KMT2C: variants seen among roughly 807,000 people sequenced by gnomAD.
The protein encoded by KMT2C is histone-lysine N-methyltransferase 2C.
In KMT2C, 88 loss-of-function variants were observed where a neutral mutation model predicts 507.9. The observed-to-expected ratio is 0.17, with a 90% CI of 0.15 to 0.21. The LOEUF (loss-of-function observed/expected upper bound fraction) is 0.21. KMT2C is among the 10% of genes least tolerant of loss of function. The pLI is 1.00. For missense variants in KMT2C, 4,954 were observed against 5,957.8 expected (o/e 0.83, Z 5.55); for synonymous variants, 2,049 against 2,080.8 (o/e 0.98, Z 0.42).
In KMT2C at chr7:152,348,440, T is replaced by C. The variant is rs150448286; in HGVS notation, c.250+10147A>G. Among the ~76,000 whole-genome samples the C allele has an allele frequency of 8.0e-5, 12 of 149,796 alleles. No individual in the cohort carries two copies. In the East Asian group the frequency reaches 2.0e-3, roughly 25 times the overall value. ...GGTGAAACCCCGTATCTTCTAAAAA[T>C]ACAAAAAAAGTAGCCAGGCATGGTG... On this transcript the variant is annotated intron_variant, in intron 2 of 58. Coordinates refer to ENST00000262189, the MANE Select transcript of KMT2C (RefSeq NM_170606.3).
At position 152,345,350 on chromosome 7, in the gene KMT2C, G is replaced by A. The variant is rs563685862; in HGVS notation, c.250+13237C>T. 9.9e-5 allele frequency among the ~76,000 whole-genome samples: 15 copies of A among 152,254 alleles called. No individual in the cohort carries two copies. The East Asian group carries it at 1.9e-3, about 20-fold the overall frequency. ...CCAGCTACTTGCGAAGCTGAGGTGC[G>A]AGGATGGCTTGAGCCCAAGAGTTCA... On this transcript the variant is annotated intron_variant, in intron 2 of 58. Coordinates refer to ENST00000262189, the MANE Select transcript of KMT2C (RefSeq NM_170606.3).
chr7:152,276,193 TGAA>T (rs1319887684), intron 6 of KMT2C, among the ~76,000 whole-genome samples: 2 of 152,324 alleles, frequency 1.3e-5, no homozygotes, highest in Non-Finnish European at 2.9e-5. Context: ...AAATAGCTAA[TGAA>T]GAGCACTCGG....
At chr7:152,231,808 G>T (rs1208639591) in intron 16 of KMT2C, among the ~76,000 whole-genome samples, 1 of 147,914 alleles carries the variant, frequency 6.8e-6, no homozygotes, top group African/African-American at 2.5e-5. Flanking sequence ...AAGGAAGTTT[G>T]GTTGGTTAAC....
Position 152,401,387 on chromosome 7 carries a change from T to G in KMT2C, c.161+34239A>C, listed in dbSNP as rs1325516145. On this transcript the variant is annotated intron_variant, in intron 1 of 58. Transcript: ENST00000262189. ...GAGCCACCACGTCCAGCCCATTAAC[T>G]TTCAAGTATTAAAGTCATACCGGCC... Among the ~76,000 whole-genome samples the G allele has an allele frequency of 2.7e-5, 4 of 147,212 alleles. No homozygotes were observed. The South Asian group carries it at 7.4e-4, about 27-fold the overall frequency.
At chr7:152,170,716 T>C (rs1214281045) in intron 40 of KMT2C, among the ~76,000 whole-genome samples, 1 of 152,178 alleles carries the variant, frequency 6.6e-6, no homozygotes, top group Admixed American at 6.5e-5. Context: ...TTGGTCAGGC[T>C]GGTCTCAAAC....
chr7:152,354,655 A>G (rs1410307656), intron 2 of KMT2C, among the ~76,000 whole-genome samples: 1 of 152,190 alleles, frequency 6.6e-6, no homozygotes, highest in South Asian at 2.1e-4. Flanking sequence ...AAGCTGTATG[A>G]ATATCTGAGA....
chr7:152,329,927 T>C (rs1489842868), intron 3 of KMT2C, among the ~76,000 whole-genome samples: 1 of 151,820 alleles, frequency 6.6e-6, no homozygotes, highest in Admixed American at 6.6e-5. Context: ...AGGTGGATCA[T>C]GAGATCAGGA....
At chr7:152,193,962 T>C (rs2129128743) in intron 31 of KMT2C, 47 bp downstream of exon 31, 2 of 1,475,858 alleles carry the variant, frequency 1.4e-6, no homozygotes, top group East Asian at 2.4e-5. Flanking sequence ...CCCACATATA[T>C]ACACATGTGT....
At chr7:152,183,179 A>G in intron 34 of KMT2C, 23 bp from the exon 35 acceptor site, 1 of 1,494,252 alleles carries the variant, frequency 6.7e-7, no homozygotes, top group East Asian at 2.4e-5. Flanking sequence ...AAGAGAAAAA[A>G]ATTTCCCAGA....
chr7:152,360,073 T>TG (rs372111513), intron 1 of KMT2C, among the ~76,000 whole-genome samples: 386 of 14,724 alleles, frequency 0.026, 6 homozygotes, highest in East Asian at 0.16. Context: ...AAAAGGGGGG[T>TG]GGGGGGGGGG....
At chr7:152,389,383 T>TA (rs1260810266) in intron 1 of KMT2C, among the ~76,000 whole-genome samples, 5 of 151,394 alleles carry the variant, frequency 3.3e-5, no homozygotes, top group Non-Finnish European at 1.5e-5. Flanking sequence ...TACTGTCACT[T>TA]ACGTCACTCA....
chr7:152,141,499 G>C (rs1167279031), intron 55 of KMT2C, among the ~76,000 whole-genome samples: 1 of 148,456 alleles, frequency 6.7e-6, no homozygotes, highest in Non-Finnish European at 1.5e-5. Context: ...CACAAGGTCA[G>C]GAGTTTGAGG....
At chr7:152,184,345 T>C (rs900313520) in intron 34 of KMT2C, among the ~76,000 whole-genome samples, 10 of 152,050 alleles carry the variant, frequency 6.6e-5, no homozygotes, top group African/African-American at 1.9e-4. Context: ...AAAATAACTA[T>C]ATATATTTTC....
At chr7:152,281,285 ATG>A (rs2096203185) in intron 6 of KMT2C, among the ~76,000 whole-genome samples, 1 of 152,164 alleles carries the variant, frequency 6.6e-6, no homozygotes, top group Admixed American at 6.5e-5. Context: ...AGTTATAAAA[ATG>A]AGTATAATTT....
At position 152,138,971 on chromosome 7, in the gene KMT2C, T is replaced by C; in HGVS notation, c.14535-67A>G. ...AGAAGCAGCTTTAAAAACTTCCCAT[T>C]TATTGATAAAGCAGTTTTTGCTAAT... is the stretch of plus-strand genomic sequence containing the variant. On this transcript the variant is annotated intron_variant, in intron 57 of 58. Coordinates refer to ENST00000262189, the MANE Select transcript of KMT2C (RefSeq NM_170606.3). This position sits in a 1 kb window ranked among gnomAD's most constrained non-coding sequence, Gnocchi z 4.2. 1 of 1,253,796 alleles carries C rather than the reference T, an allele frequency of 8.0e-7. No homozygotes were observed. Among genetic ancestry groups the C allele is most frequent in the Non-Finnish European group, 1.2e-6 (1 of 856,574 alleles). 77.7% of individuals were successfully genotyped at this position (1,253,796 alleles called of 1,614,324 possible). A position where few individuals can be genotyped will look rare whatever the true frequency, so the allele number is the denominator to read the frequency against.
intron 2 of KMT2C, among the ~76,000 whole-genome samples, chr7:152,336,785 T>A (rs2096939628): frequency 6.6e-6 from 1 of 152,208 alleles, no homozygotes; most frequent in Non-Finnish European, 1.5e-5. Context: ...TTTTCTTGAA[T>A]ATAAAATCCC....
rs1315706916 is a variant in KMT2C at position 152,162,731 on chromosome 7, C to T, written c.10846G>A (p.Ala3616Thr). ...RTRKKKRDDD[A>T]ESTKAPSTPH... ...GTTGATGGAGCCTTGGTGGATTCTGCATCATCATCTCTTTTCTTCTTTCTT... is the reference window on the plus strand; with the variant it reads ...GTTGATGGAGCCTTGGTGGATTCTGTATCATCATCTCTTTTCTTCTTTCTT... The change falls in exon 43 of 59, where the codon GCA becomes ACA. Residue 3616 changes from alanine to threonine, a missense_variant. By Grantham distance (58) the Ala-to-Thr change is moderately conservative (BLOSUM62 0). Around this residue, in one of 29 missense-constraint regions of KMT2C, gnomAD observed 801 missense variants for 751.2 expected, o/e 1.07. Transcript: ENST00000262189. The T allele has an allele frequency of 6.2e-7, 1 of 1,614,212 alleles. No individual in the cohort carries two copies. The highest frequency in any genetic ancestry group is 1.1e-5 in the South Asian group (1 of 91,080).
At chr7:152,424,581 C>T (rs1397484618) in intron 1 of KMT2C, among the ~76,000 whole-genome samples, 1 of 152,162 alleles carries the variant, frequency 6.6e-6, no homozygotes, top group East Asian at 1.9e-4. Context: ...TGCCACCACA[C>T]TCAGCTAATT....
chr7:152,420,379 C>T (rs192979638), intron 1 of KMT2C, among the ~76,000 whole-genome samples: 1 of 152,258 alleles, frequency 6.6e-6, no homozygotes, highest in East Asian at 1.9e-4. Context: ...TCTGTATATT[C>T]TGATATACAC....
Sources: allele counts gnomAD v4.1 joint callset (sites outside exome capture counted in the v4.1 genomes callset), GRCh38; gene constraint gnomAD v4.1.1; regional missense constraint gnomAD v4.1.1; non-coding constraint Gnocchi (gnomAD v3.1); transcripts MANE v1.5; gene names NCBI Gene and HGNC (gene_info 2026-07-23, HGNC 2026-07-21).